The following C10orf90 variants were observed in gnomAD, a reference collection of about 807,000 sequenced individuals.
C10orf90 encodes (E2-independent) E3 ubiquitin-conjugating enzyme FATS.
In C10orf90, 56 loss-of-function variants were observed where a neutral mutation model predicts 62.5. The ratio of observed to expected loss-of-function variants is 0.90; its 90% CI spans 0.72 to 1.12. C10orf90 has a LOEUF of 1.12. Ranked by LOEUF, C10orf90 falls within the 50% of genes most tolerant of loss-of-function variation. The pLI, the probability that C10orf90 is intolerant of heterozygous loss-of-function variation, is 0.00. For synonymous variants in C10orf90, 386 were observed against 340.4 expected (o/e 1.13, Z -1.47); for missense variants, 970 against 880.4 (o/e 1.10, Z -1.29).
chr10:126,667,250 G>C (rs893413304), intron 1 of C10orf90, among the ~76,000 whole-genome samples: 2 of 151,736 alleles, frequency 1.3e-5, no homozygotes, highest in African/African-American at 4.8e-5. Flanking sequence ...AGTAGACACA[G>C]GGTTTCACTG....
chr10:126,565,846 C>G (rs1432959110), intron 2 of C10orf90, among the ~76,000 whole-genome samples: 3 of 152,156 alleles, frequency 2.0e-5, no homozygotes, highest in Non-Finnish European at 4.4e-5. Context: ...GAGTGAACCA[C>G]CTCTCAGATG....
At chr10:126,605,643 C>G (rs1845292178) in intron 2 of C10orf90, among the ~76,000 whole-genome samples, 1 of 152,120 alleles carries the variant, frequency 6.6e-6, no homozygotes, top group African/African-American at 2.4e-5. Flanking sequence ...AAGGAGGTTC[C>G]AAGGTCTCCC....
chr10:126,586,452 C>T (rs930643230), intron 2 of C10orf90, among the ~76,000 whole-genome samples: 6 of 152,192 alleles, frequency 3.9e-5, no homozygotes, highest in African/African-American at 1.2e-4. Context: ...TCTGAGTAAA[C>T]GGGGCGCTCT....
At chr10:126,495,341 C>T (rs1861986126) in intron 4 of C10orf90, among the ~76,000 whole-genome samples, 1 of 152,048 alleles carries the variant, frequency 6.6e-6, no homozygotes, top group Non-Finnish European at 1.5e-5. Flanking sequence ...GAAAACGTAC[C>T]CCACCCATGT....
intron 4 of C10orf90, among the ~76,000 whole-genome samples, chr10:126,502,115 AC>A (rs1286665671): frequency 9.5e-5 from 14 of 147,932 alleles, no homozygotes; most frequent in African/African-American, 2.3e-4. Context: ...ACACACACAC[AC>A]ACCACACACA....
At chr10:126,570,797 T>C (rs1473246813) in intron 2 of C10orf90, among the ~76,000 whole-genome samples, 1 of 152,326 alleles carries the variant, frequency 6.6e-6, no homozygotes, top group African/African-American at 2.4e-5. Context: ...TGTTTCATGA[T>C]ACTAGGCCAC....
chr10:126,530,588 A>G (rs1466515143), intron 2 of C10orf90, among the ~76,000 whole-genome samples: 3 of 152,168 alleles, frequency 2.0e-5, no homozygotes, highest in Non-Finnish European at 4.4e-5. Context: ...ATTATCAAAA[A>G]TCGTCCCATA....
chr10:126,526,506 AG>A (rs1863951616), intron 2 of C10orf90, among the ~76,000 whole-genome samples: 1 of 152,114 alleles, frequency 6.6e-6, no homozygotes, highest in Non-Finnish European at 1.5e-5. Flanking sequence ...GGCCTCCCAA[AG>A]TGCTGGGATT....
At chr10:126,497,523 A>G (rs1479128613) in intron 4 of C10orf90, among the ~76,000 whole-genome samples, 1 of 152,182 alleles carries the variant, frequency 6.6e-6, no homozygotes, top group Non-Finnish European at 1.5e-5. Context: ...AGAAAACCAT[A>G]GGCCCCAAAA....
chr10:126,512,889 C>T (rs1271456357), intron 3 of C10orf90, among the ~76,000 whole-genome samples: 2 of 152,154 alleles, frequency 1.3e-5, no homozygotes, highest in South Asian at 2.1e-4. Flanking sequence ...ATTTCAGGCC[C>T]GGAGTCTCTG....
intron 2 of C10orf90, among the ~76,000 whole-genome samples, chr10:126,608,092 A>T (rs1020725031): frequency 3.3e-5 from 5 of 152,154 alleles, no homozygotes; most frequent in African/African-American, 4.8e-5. Flanking sequence ...AACATTATGA[A>T]CTTATTTATG....
At chr10:126,533,110 AT>A in intron 2 of C10orf90, among the ~76,000 whole-genome samples, 2 of 151,108 alleles carry the variant, frequency 1.3e-5, no homozygotes, top group Admixed American at 6.6e-5. Context: ...TGTTTTTTGT[AT>A]TTTTAGTAGA....
At chr10:126,470,041 A>G (rs760166191) in intron 4 of C10orf90, 14 of 456,352 alleles carry the variant, frequency 3.1e-5, no homozygotes, top group Non-Finnish European at 4.8e-5. Flanking sequence ...TGCAGGATGC[A>G]TGCTGCAGAG....
At chr10:126,449,185 C>T (rs1196657931) in intron 7 of C10orf90, among the ~76,000 whole-genome samples, 1 of 152,288 alleles carries the variant, frequency 6.6e-6, no homozygotes, top group Middle Eastern at 3.4e-3. Flanking sequence ...AAGACTTATT[C>T]ACCATGATCA....
intron 2 of C10orf90, among the ~76,000 whole-genome samples, chr10:126,643,996 G>T (rs1483023698): frequency 6.6e-6 from 1 of 152,192 alleles, no homozygotes; most frequent in Middle Eastern, 3.2e-3. Context: ...CCAAACCTCA[G>T]CCAGGGTCCT....
At chr10:126,459,798 C>A (rs1368750308) in intron 6 of C10orf90, among the ~76,000 whole-genome samples, 2 of 152,106 alleles carry the variant, frequency 1.3e-5, no homozygotes, top group Non-Finnish European at 2.9e-5. Context: ...GCTCCACAAA[C>A]CATGTCAGAA....
At chr10:126,475,878 CCTTT>C (rs1860828500) in intron 4 of C10orf90, among the ~76,000 whole-genome samples, 1 of 152,046 alleles carries the variant, frequency 6.6e-6, no homozygotes, top group Non-Finnish European at 1.5e-5. Flanking sequence ...CACAGAATCC[CCTTT>C]CTAATATGTT....
intron 7 of C10orf90, among the ~76,000 whole-genome samples, chr10:126,454,659 A>T (rs1349112496): frequency 6.7e-6 from 1 of 150,068 alleles, no homozygotes; most frequent in Non-Finnish European, 1.5e-5. Flanking sequence ...TACTGTCCCC[A>T]CTATGACCTG....
At chr10:126,628,510 C>A (rs752073549) in intron 2 of C10orf90, among the ~76,000 whole-genome samples, 2 of 152,122 alleles carry the variant, frequency 1.3e-5, no homozygotes, top group African/African-American at 4.8e-5. Context: ...CCAGGACTCA[C>A]CATCAGCCCT....
Sources: gnomAD v4.1 joint callset for allele counts (sites outside exome capture counted in the v4.1 genomes callset) on GRCh38, gnomAD v4.1.1 for gene constraint, MANE v1.5 for transcripts, NCBI Gene and HGNC (gene_info 2026-07-23, HGNC 2026-07-21) for gene names.